The following GAP43 variants were observed in gnomAD, a reference collection of about 807,000 sequenced individuals.
The protein encoded by GAP43 is neuromodulin.
A neutral mutation model predicts 18.6 loss-of-function variants in GAP43; 6 were observed. The ratio of observed to expected loss-of-function variants is 0.32; its 90% CI spans 0.18 to 0.64. The LOEUF is 0.64. Among genes scored for constraint, GAP43 ranks in the 30% least tolerant of loss-of-function variants. The pLI is 0.78. For missense variants in GAP43, 292 were observed against 295.5 expected (o/e 0.99, Z 0.09); for synonymous variants, 115 against 111.4 (o/e 1.03, Z -0.20).
chr3:115,626,963 C>T (rs1343096283), intron 1 of GAP43, among the ~76,000 whole-genome samples: 2 of 152,032 alleles, frequency 1.3e-5, no homozygotes, highest in East Asian at 3.9e-4. Flanking sequence ...TCTCTCTGAG[C>T]CACACCCAGT....
At chr3:115,717,363 G>C (rs1035233177) in intron 2 of GAP43, among the ~76,000 whole-genome samples, 7 of 150,434 alleles carry the variant, frequency 4.7e-5, no homozygotes, top group African/African-American at 1.7e-4. Context: ...AGGCCGGAGT[G>C]CAATGGCAGG....
intron 1 of GAP43, among the ~76,000 whole-genome samples, chr3:115,645,948 G>A (rs1708453357): frequency 1.3e-5 from 2 of 151,902 alleles, no homozygotes; most frequent in South Asian, 4.1e-4. Context: ...TTTCTAGTTT[G>A]GGTTTAAGAT....
chr3:115,685,389 C>T (rs980460920), intron 2 of GAP43, among the ~76,000 whole-genome samples: 1 of 152,174 alleles, frequency 6.6e-6, no homozygotes, highest in Non-Finnish European at 1.5e-5. Context: ...GCTTCCTTTC[C>T]TCATCTGACA....
chr3:115,688,869 C>A (rs943461820), intron 2 of GAP43, among the ~76,000 whole-genome samples: 1 of 152,206 alleles, frequency 6.6e-6, no homozygotes, highest in African/African-American at 2.4e-5. Context: ...CCAATGCTTG[C>A]CTACTTTTTG....
At chr3:115,708,940 G>GTTTTTTTTTTTTTTT (rs3086974) in intron 2 of GAP43, among the ~76,000 whole-genome samples, 28 of 99,762 alleles carry the variant, frequency 2.8e-4, no homozygotes, top group East Asian at 6.1e-4. Flanking sequence ...AACTGGCTGG[G>GTTTTTTTTTTTTTTT]TTTTTTTTTT....
intron 2 of GAP43, among the ~76,000 whole-genome samples, chr3:115,712,718 T>C (rs1302568285): frequency 6.6e-6 from 1 of 152,172 alleles, no homozygotes; most frequent in Non-Finnish European, 1.5e-5. Flanking sequence ...GTATGATTAG[T>C]TAGTGGCAAA....
intron 1 of GAP43, chr3:115,663,745 C>T: frequency 6.4e-7 from 1 of 1,550,600 alleles, no homozygotes; most frequent in Non-Finnish European, 8.7e-7. Context: ...GTCTTTTAGA[C>T]AGTGAACTAG....
At chr3:115,679,525 T>G (rs774099776) in intron 2 of GAP43, among the ~76,000 whole-genome samples, 3 of 152,136 alleles carry the variant, frequency 2.0e-5, no homozygotes, top group Non-Finnish European at 2.9e-5. Context: ...TGACAATGAT[T>G]CCTTTAGAGG....
In GAP43 at chr3:115,641,509, T is replaced by TACACACAC. The variant is rs1708395337; in HGVS notation, c.30+17790_30+17791insACACACAC. On this transcript the variant is annotated intron_variant, in intron 1 of 2. Transcript: ENST00000305124. ...TGTGCATATATTATACATATATATA[T>TACACACAC]TCACACACACACACACACACACACA... 1.7e-4 allele frequency among the ~76,000 whole-genome samples: 8 copies of TACACACAC among 47,786 alleles called. No individual in the cohort carries two copies. In the East Asian group the frequency reaches 4.4e-3, roughly 26 times the overall value. 31.3% of individuals were successfully genotyped at this position (47,786 alleles called of 152,430 possible). A position where few individuals can be genotyped will look rare whatever the true frequency, so the allele number is the denominator to read the frequency against.
chr3:115,708,324 T>C (rs532692720), intron 2 of GAP43, among the ~76,000 whole-genome samples: 4 of 152,304 alleles, frequency 2.6e-5, no homozygotes, highest in Non-Finnish European at 5.9e-5. Context: ...TCATAGGAAT[T>C]ATAAGCAGTA....
intron 1 of GAP43, among the ~76,000 whole-genome samples, chr3:115,651,731 C>G (rs1708521007): frequency 6.6e-6 from 1 of 152,116 alleles, no homozygotes; most frequent in Non-Finnish European, 1.5e-5. Flanking sequence ...TTCCCTCCCT[C>G]CCCCACTGTT....
At chr3:115,669,975 T>A (rs527268470) in intron 1 of GAP43, among the ~76,000 whole-genome samples, 110 of 141,418 alleles carry the variant, frequency 7.8e-4, no homozygotes, top group African/African-American at 2.7e-3. Flanking sequence ...ATTTTTATTT[T>A]TTTTTTTTAA....
At chr3:115,664,720 G>A (rs1708710915) in intron 1 of GAP43, among the ~76,000 whole-genome samples, 1 of 152,156 alleles carries the variant, frequency 6.6e-6, no homozygotes, top group African/African-American at 2.4e-5. Context: ...GGCAGCATGA[G>A]CAACAAGAAC....
At chr3:115,690,729 C>A (rs1414661277) in intron 2 of GAP43, among the ~76,000 whole-genome samples, 2 of 149,124 alleles carry the variant, frequency 1.3e-5, no homozygotes, top group African/African-American at 4.9e-5. Flanking sequence ...ATCCTCTGGG[C>A]AAATCTTTTT....
intron 2 of GAP43, among the ~76,000 whole-genome samples, chr3:115,697,185 AT>A (rs1709203657): frequency 1.2e-5 from 1 of 84,694 alleles, no homozygotes; most frequent in Non-Finnish European, 2.2e-5. Flanking sequence ...TATATTATAC[AT>A]TACATTTATT....
At position 115,705,113 on chromosome 3, in the gene GAP43, C is replaced by T. The variant is rs373919512; in HGVS notation, c.629-15681C>T. Among the ~76,000 whole-genome samples the T allele has an allele frequency of 4.2e-4, 64 of 152,230 alleles. No individual in the cohort carries two copies. The East Asian group carries it at 0.012, about 28-fold the overall frequency. On this transcript the variant is annotated intron_variant, in intron 2 of 2. Transcript: ENST00000305124. ...ATTGTCTGGCTAATCTCAAGTACTACCCAAACACATCATGCCGAACCACGG... is the reference window on the plus strand; with the variant it reads ...ATTGTCTGGCTAATCTCAAGTACTATCCAAACACATCATGCCGAACCACGG...
chr3:115,718,923 A>G (rs1709543387), intron 2 of GAP43, among the ~76,000 whole-genome samples: 1 of 152,208 alleles, frequency 6.6e-6, no homozygotes, highest in South Asian at 2.1e-4. Flanking sequence ...GTAAATATGT[A>G]GCTGGCTGAT....
In GAP43 at chr3:115,721,047, TAAAAAA is replaced by T; in HGVS notation, c.*177_*182del. ...TCTTTCTCTCTGTGTGGCAAACATTTAAAAAAAAAAAAAAAAAGCAGGAAAGATCCC... is the reference window on the plus strand; with the variant it reads ...TCTTTCTCTCTGTGTGGCAAACATTTAAAAAAAAAAAGCAGGAAAGATCCC... On this transcript the variant is annotated 3_prime_UTR_variant, in exon 3 of 3. Transcript: ENST00000305124. 1 of 233,366 alleles carries T rather than the reference TAAAAAA, an allele frequency of 4.3e-6. No homozygotes were observed. The allele number at this position is 233,366 out of a possible 1,614,324, so 14.5% of individuals were successfully genotyped here.
In GAP43 at chr3:115,721,064, A is replaced by T. The variant is rs967607560; in HGVS notation, c.*182A>T. 1.2e-5 allele frequency: 4 copies of T among 335,332 alleles called. No individual in the cohort carries two copies. In the Admixed American group the frequency reaches 1.8e-4, roughly 15 times the overall value. The allele number at this position is 335,332 out of a possible 1,614,324, so 20.8% of individuals were successfully genotyped here. A position where few individuals can be genotyped will look rare whatever the true frequency, so the allele number is the denominator to read the frequency against. On this transcript the variant is annotated 3_prime_UTR_variant, in exon 3 of 3. Coordinates refer to ENST00000305124, the MANE Select transcript of GAP43 (RefSeq NM_002045.4). ...CAAACATTTAAAAAAAAAAAAAAAA[A>T]GCAGGAAAGATCCCAAGTCAAACAG... is the stretch of plus-strand genomic sequence containing the variant.
Sources: gnomAD v4.1 joint callset for allele counts (sites outside exome capture counted in the v4.1 genomes callset) on GRCh38, gnomAD v4.1.1 for gene constraint, MANE v1.5 for transcripts, NCBI Gene and HGNC (gene_info 2026-07-23, HGNC 2026-07-21) for gene names.